Variants in ELF5 observed in about 807,000 individuals in gnomAD.
ELF5 encodes the protein ETS-related transcription factor Elf-5.
In ELF5, 31 loss-of-function variants were observed where a neutral mutation model predicts 38.2. The observed-to-expected ratio is 0.81, with a 90% confidence interval of 0.61 to 1.10. The LOEUF (loss-of-function observed/expected upper bound fraction) is 1.10, where lower values mean the gene tolerates loss of function less well. Ranked by LOEUF, ELF5 falls within the 50% of genes least tolerant of loss-of-function variation. The pLI, the probability that ELF5 is intolerant of heterozygous loss-of-function variation, is 0.00. For missense variants in ELF5, 300 were observed against 306.6 expected (o/e 0.98, Z 0.16); for synonymous variants, 121 against 112.5 (o/e 1.08, Z -0.48).
At position 34,493,635 on chromosome 11, in the gene ELF5, A is replaced by G; in HGVS notation, c.199T>C (p.Cys67Arg). 6.2e-7 allele frequency: 1 copy of G among 1,614,240 alleles called. No individual in the cohort carries two copies. Among genetic ancestry groups the G allele is most frequent in the East Asian group, 2.2e-5 (1 of 44,886 alleles). Residue 67 changes from cysteine (C) to arginine (R), a missense_variant, in exon 3 of 7, where the codon TGC becomes CGC. Cys to Arg is a radical substitution (Grantham distance 180). Coordinates refer to ENST00000257832, the MANE Select transcript of ELF5 (RefSeq NM_001422.4). ...RHVWEWLQFC[C>R]DQYKLDTNCI... is the part of the protein sequence containing the mutation. ...TTGGTGTCCAACTTGTACTGGTCGC[A>G]GCAGAACTGGAGCCACTCCCACACA... is the stretch of plus-strand genomic sequence containing the variant.
intron 1 of ELF5, among the ~76,000 whole-genome samples, chr11:34,506,940 C>G (rs1050719745): frequency 6.6e-6 from 1 of 152,102 alleles, no homozygotes; most frequent in Non-Finnish European, 1.5e-5. Flanking sequence ...TTGCTGCAAT[C>G]TTATTTTCTA....
intron 1 of ELF5, chr11:34,511,917 C>T (rs916492881): frequency 7.5e-5 from 22 of 293,060 alleles, no homozygotes; most frequent in East Asian, 5.1e-4. Flanking sequence ...TGGCTGTTTA[C>T]GGGCCAAATC....
At chr11:34,511,147 G>A (rs1418664121) in intron 1 of ELF5, among the ~76,000 whole-genome samples, 2 of 152,190 alleles carry the variant, frequency 1.3e-5, no homozygotes, top group Non-Finnish European at 2.9e-5. Flanking sequence ...ACACACATAT[G>A]CATACACATT....
intron 2 of ELF5, among the ~76,000 whole-genome samples, chr11:34,499,543 C>A (rs2133892737): frequency 6.6e-6 from 1 of 152,286 alleles, no homozygotes; most frequent in East Asian, 1.9e-4. Flanking sequence ...TGTGCCTGGC[C>A]TGATTTTTAT....
At chr11:34,493,794 T>A (rs995967407) in intron 2 of ELF5, 82 bp from the exon 3 acceptor site, 4 of 1,205,392 alleles carry the variant, frequency 3.3e-6, no homozygotes, top group African/African-American at 3.0e-5. Context: ...ATCAGTTAAG[T>A]AACATCCTCA....
At chr11:34,480,710 A>G in intron 6 of ELF5, 62 bp downstream of exon 6, 1 of 1,542,912 alleles carries the variant, frequency 6.5e-7, no homozygotes, top group Non-Finnish European at 8.8e-7. Flanking sequence ...GTAATTTTCT[A>G]CAGCCAGCCA....
intron 5 of ELF5, 134 bp downstream of exon 5, chr11:34,482,297 G>T: frequency 2.5e-6 from 2 of 795,104 alleles, no homozygotes; most frequent in South Asian, 1.6e-5. Context: ...AGCAATCACT[G>T]ATTTCTTTAC....
intron 6 of ELF5, 136 bp downstream of exon 6, chr11:34,480,636 A>G: frequency 1.1e-6 from 1 of 945,938 alleles, no homozygotes; most frequent in African/African-American, 1.6e-5. Context: ...CCTACCTGTA[A>G]CTAAGAACCA....
At position 34,499,716 on chromosome 11, in the gene ELF5, C is replaced by T. The variant is rs561522686; in HGVS notation, c.121+5913G>A. Among the ~76,000 whole-genome samples, 187 of 152,268 alleles carry T rather than the reference C, an allele frequency of 1.2e-3. 2 individuals carry two copies. Among genetic ancestry groups the T allele is most frequent in the South Asian group, 2.7e-3 (13 of 4,814 alleles). On this transcript the variant is annotated intron_variant, in intron 2 of 6. Coordinates refer to ENST00000257832, the MANE Select transcript of ELF5 (RefSeq NM_001422.4). ...AAGTTTGTGAAGCTAGATGAACCTG[C>T]CAGCTACAGGAATTCTGTACAAGAA...
At chr11:34,495,677 G>A (rs936725625) in intron 2 of ELF5, among the ~76,000 whole-genome samples, 2 of 152,228 alleles carry the variant, frequency 1.3e-5, no homozygotes, top group Non-Finnish European at 2.9e-5. Flanking sequence ...TTGTGCCAGG[G>A]TGCTTGAGGC....
At chr11:34,490,714 C>G (rs760641278) in intron 3 of ELF5, among the ~76,000 whole-genome samples, 3 of 152,166 alleles carry the variant, frequency 2.0e-5, no homozygotes, top group Non-Finnish European at 4.4e-5. Flanking sequence ...TTTCACATAG[C>G]AGTTTAGGCT....
At chr11:34,507,448 T>C (rs1009740046) in intron 1 of ELF5, among the ~76,000 whole-genome samples, 9 of 152,184 alleles carry the variant, frequency 5.9e-5, no homozygotes, top group African/African-American at 2.2e-4. Context: ...GTGGCTCAGG[T>C]GTGTCTGTTT....
At chr11:34,508,322 T>C (rs1850660258) in intron 1 of ELF5, among the ~76,000 whole-genome samples, 2 of 151,992 alleles carry the variant, frequency 1.3e-5, no homozygotes, top group Non-Finnish European at 1.5e-5. Flanking sequence ...GTCAACATGG[T>C]GAAACCCCCG....
chr11:34,505,567 C>T (rs1850590870), intron 2 of ELF5, 62 bp downstream of exon 2: 1 of 1,603,328 alleles, frequency 6.2e-7, no homozygotes. Context: ...CTGCGGCCAG[C>T]ACCACCTCCT....
At chr11:34,492,449 G>C (rs1258327438) in intron 3 of ELF5, 2 of 152,064 alleles carry the variant, frequency 1.3e-5, no homozygotes, top group Non-Finnish European at 2.9e-5. Context: ...CCAGTGGTGG[G>C]GATCGTCCTA....
rs568856857 is a variant in ELF5 at position 34,505,898 on chromosome 11, C to T, written c.-4-145G>A. The T allele has an allele frequency of 8.9e-5, 86 of 971,490 alleles. No individual in the cohort carries two copies. In the African/African-American group the frequency reaches 9.0e-4, roughly 10 times the overall value. The allele number at this position is 971,490 out of a possible 1,614,324, so 60.2% of individuals were successfully genotyped here. ...ACTAGGAGCAGGCACCGCCTAGTGT[C>T]ACCTACGAGTGACATTATTCCACCC... On this transcript the variant is annotated intron_variant, in intron 1 of 6. Coordinates refer to ENST00000257832, the MANE Select transcript of ELF5 (RefSeq NM_001422.4).
At chr11:34,501,821 A>G (rs1206657015) in intron 2 of ELF5, among the ~76,000 whole-genome samples, 5 of 152,152 alleles carry the variant, frequency 3.3e-5, no homozygotes, top group Admixed American at 1.3e-4. Flanking sequence ...AGCCATTTGA[A>G]GGGTTTTTGA....
At chr11:34,484,768 C>T (rs1374598917) in intron 4 of ELF5, among the ~76,000 whole-genome samples, 1 of 152,124 alleles carries the variant, frequency 6.6e-6, no homozygotes. Flanking sequence ...GATCTCCAGT[C>T]TTATCTCTTT....
At chr11:34,509,052 G>A (rs1001076031) in intron 1 of ELF5, among the ~76,000 whole-genome samples, 1 of 152,132 alleles carries the variant, frequency 6.6e-6, no homozygotes, top group Non-Finnish European at 1.5e-5. Flanking sequence ...ATGAGACGCC[G>A]GGTGCGGTGG....
Sources: allele counts gnomAD v4.1 joint callset (sites outside exome capture counted in the v4.1 genomes callset), GRCh38; gene constraint gnomAD v4.1.1; transcripts MANE v1.5; gene names NCBI Gene and HGNC (gene_info 2026-07-23, HGNC 2026-07-21).